PTCHD4: variants seen among roughly 807,000 people sequenced by gnomAD.
The protein encoded by PTCHD4 is patched domain-containing protein 4.
PTCHD4 carries 33 observed loss-of-function variants against 58.1 expected under a neutral mutation model. The ratio of observed to expected loss-of-function variants is 0.57; its 90% CI spans 0.43 to 0.76. PTCHD4 has a LOEUF of 0.76. Ranked by LOEUF, PTCHD4 falls within the 30% of genes least tolerant of loss-of-function variation. The pLI, the probability that PTCHD4 is intolerant of heterozygous loss-of-function variation, is 0.00. For synonymous variants in PTCHD4, 478 were observed against 409.6 expected (o/e 1.17, Z -2.02); for missense variants, 1,058 against 1,027.1 (o/e 1.03, Z -0.41).
chr6:48,083,895 T>C (rs1468490042), intron 1 of PTCHD4, among the ~76,000 whole-genome samples: 1 of 152,206 alleles, frequency 6.6e-6, no homozygotes, highest in Non-Finnish European at 1.5e-5. Context: ...GCTATGTTAA[T>C]ACCTTGATTT....
chr6:47,899,482 G>A (rs999317943), intron 4 of PTCHD4: 1 of 553,310 alleles, frequency 1.8e-6, no homozygotes, highest in African/African-American at 2.1e-5. Flanking sequence ...TCTTGAGTTT[G>A]AATTCATTTT....
chr6:47,867,995 C>T lies in PTCHD4; in HGVS notation c.*10308G>A, dbSNP rs1369239968. 6.6e-6 allele frequency among the ~76,000 whole-genome samples: 1 copy of T among 151,660 alleles called. No homozygotes were observed. The highest frequency in any genetic ancestry group is 1.5e-5 in the Non-Finnish European group (1 of 67,804). ...AATGGGACTGAATTTCTAGTTCTAT[C>T]TTTTTAAAGAGTAACAAACTTTTTG... On this transcript the variant is annotated 3_prime_UTR_variant, in exon 5 of 5. Transcript: ENST00000339488.
rs1582108930 is a variant in PTCHD4, at chr6:48,069,370, G to A, written c.-413C>T. On this transcript the variant is annotated 5_prime_UTR_variant, in exon 2 of 5. Transcript: ENST00000339488. ...GCCCAAGGAGTGGGGCATGGAGGGAGACAGCCCCAGGGCTCCAGGAGACAG... is the reference window on the plus strand; with the variant it reads ...GCCCAAGGAGTGGGGCATGGAGGGAAACAGCCCCAGGGCTCCAGGAGACAG... Among the ~76,000 whole-genome samples, 1 of 152,290 alleles carries A rather than the reference G, an allele frequency of 6.6e-6. No individual in the cohort carries two copies. The highest frequency in any genetic ancestry group is 1.9e-4 in the East Asian group (1 of 5,156).
chr6:47,873,895 G>T lies in PTCHD4; in HGVS notation c.*4408C>A, dbSNP rs749007554. ...TAAAGGGAAGAAAAGTGCTTCTGAG[G>T]CTCTTTTGGAATAAGTAACAGTTTT... On this transcript the variant is annotated 3_prime_UTR_variant, in exon 5 of 5. Transcript: ENST00000339488. 6.6e-6 allele frequency among the ~76,000 whole-genome samples: 1 copy of T among 151,594 alleles called. No homozygotes were observed. Among genetic ancestry groups the T allele is most frequent in the African/African-American group, 2.4e-5 (1 of 41,344 alleles).
chr6:48,049,599 C>T (rs1764159940), intron 3 of PTCHD4, among the ~76,000 whole-genome samples: 1 of 151,960 alleles, frequency 6.6e-6, no homozygotes. Flanking sequence ...AATCTCACTT[C>T]ATCCTAAAAG....
At chr6:47,898,552 A>G (rs866845711) in intron 4 of PTCHD4, among the ~76,000 whole-genome samples, 5 of 152,208 alleles carry the variant, frequency 3.3e-5, no homozygotes, top group South Asian at 2.1e-4. Flanking sequence ...AAATTCAGCA[A>G]CAATTAAATG....
chr6:48,035,582 G>T (rs1763604209), intron 3 of PTCHD4, among the ~76,000 whole-genome samples: 1 of 152,170 alleles, frequency 6.6e-6, no homozygotes, highest in Admixed American at 6.6e-5. Context: ...GCTCTTCTGA[G>T]ATCTTTTTTA....
chr6:47,872,651 G>T lies in PTCHD4; in HGVS notation c.*5652C>A. ...TTTCAACTGGGGAAAAATAGTAGAAGCTGGCTTTCTATAATTTAAGATAGT... is the reference window on the plus strand; with the variant it reads ...TTTCAACTGGGGAAAAATAGTAGAATCTGGCTTTCTATAATTTAAGATAGT... On this transcript the variant is annotated 3_prime_UTR_variant, in exon 5 of 5. Coordinates refer to ENST00000339488, the MANE Select transcript of PTCHD4 (RefSeq NM_001384253.1). Among the ~76,000 whole-genome samples, 1 of 151,572 alleles carries T rather than the reference G, an allele frequency of 6.6e-6. No homozygotes were observed. Among genetic ancestry groups the T allele is most frequent in the Non-Finnish European group, 1.5e-5 (1 of 67,718 alleles).
intron 4 of PTCHD4, among the ~76,000 whole-genome samples, chr6:47,907,023 C>T (rs377611717): frequency 6.6e-5 from 10 of 152,134 alleles, no homozygotes; most frequent in South Asian, 4.1e-4. Context: ...CCATTTTAAA[C>T]GGTATACATC....
intron 3 of PTCHD4, among the ~76,000 whole-genome samples, chr6:48,022,654 G>C (rs1419815182): frequency 6.6e-6 from 1 of 152,062 alleles, no homozygotes; most frequent in Non-Finnish European, 1.5e-5. Flanking sequence ...ACATTTTCTG[G>C]GCTGATGTGA....
chr6:48,107,914 C>G, intron 1 of PTCHD4, among the ~76,000 whole-genome samples: 1 of 152,158 alleles, frequency 6.6e-6, no homozygotes, highest in Non-Finnish European at 1.5e-5. Flanking sequence ...CCATCTCACA[C>G]CAGTTAGAAT....
intron 3 of PTCHD4, among the ~76,000 whole-genome samples, chr6:48,038,271 T>C (rs537696488): frequency 1.3e-5 from 2 of 152,190 alleles, no homozygotes; most frequent in Middle Eastern, 3.4e-3. Flanking sequence ...ATGGTGATGA[T>C]GCAGCCACAG....
intron 4 of PTCHD4, among the ~76,000 whole-genome samples, chr6:47,897,339 C>T (rs1267307675): frequency 6.6e-6 from 1 of 152,248 alleles, no homozygotes; most frequent in East Asian, 1.9e-4. Context: ...CTCTCCTGCA[C>T]TACTTGTATA....
At chr6:47,951,215 C>T (rs1451678602) in intron 4 of PTCHD4, among the ~76,000 whole-genome samples, 2 of 152,026 alleles carry the variant, frequency 1.3e-5, no homozygotes, top group Admixed American at 1.3e-4. Context: ...TAAGTATGGG[C>T]AGGATGTAGG....
At chr6:48,055,878 A>G (rs1439291923) in intron 3 of PTCHD4, among the ~76,000 whole-genome samples, 1 of 152,184 alleles carries the variant, frequency 6.6e-6, no homozygotes, top group Non-Finnish European at 1.5e-5. Flanking sequence ...ACTGTCCCCT[A>G]CATTGAATTG....
chr6:48,099,534 C>A (rs1271908696), intron 1 of PTCHD4, among the ~76,000 whole-genome samples: 1 of 152,092 alleles, frequency 6.6e-6, no homozygotes, highest in African/African-American at 2.4e-5. Context: ...AATATAAATC[C>A]TAGGAATATT....
intron 3 of PTCHD4, among the ~76,000 whole-genome samples, chr6:48,021,823 T>C (rs1437884368): frequency 6.6e-6 from 1 of 152,186 alleles, no homozygotes; most frequent in Admixed American, 6.5e-5. Context: ...GGATTACTAA[T>C]GCATATTGTC....
chr6:47,992,986 C>A (rs1424384808), intron 4 of PTCHD4, among the ~76,000 whole-genome samples: 3 of 152,106 alleles, frequency 2.0e-5, no homozygotes, highest in Non-Finnish European at 4.4e-5. Context: ...GTGTGGACAG[C>A]AAATTAGATA....
In PTCHD4 at chr6:47,861,960, C is replaced by T. The variant is rs776558688; in HGVS notation, c.*16343G>A. On this transcript the variant is annotated 3_prime_UTR_variant, in exon 5 of 5. Transcript: ENST00000339488. ...GGTAACTGTCCATATTTCCTGTTAT[C>T]GAAAAAGTTCTTCCAATCAGTTATT... is the stretch of plus-strand genomic sequence containing the variant. Among the ~76,000 whole-genome samples, 2 of 151,900 alleles carry T rather than the reference C, an allele frequency of 1.3e-5. No homozygotes were observed. Among genetic ancestry groups the T allele is most frequent in the African/African-American group, 4.8e-5 (2 of 41,498 alleles).
Sources: allele counts gnomAD v4.1 joint callset (sites outside exome capture counted in the v4.1 genomes callset), GRCh38; gene constraint gnomAD v4.1.1; transcripts MANE v1.5; gene names NCBI Gene and HGNC (gene_info 2026-07-23, HGNC 2026-07-21).